Variants in SNX8 observed in about 807,000 individuals in gnomAD.
SNX8 encodes the protein sorting nexin-8.
SNX8 carries 25 observed loss-of-function variants against 51.6 expected under a neutral mutation model. The ratio of observed to expected loss-of-function variants is 0.48; its 90% CI spans 0.35 to 0.68. The LOEUF (loss-of-function observed/expected upper bound fraction) is 0.68. Ranked by LOEUF, SNX8 falls within the 30% of genes least tolerant of loss-of-function variation. The pLI is 0.00. For synonymous variants in SNX8, 324 were observed against 277.0 expected (o/e 1.17, Z -1.68); for missense variants, 695 against 624.0 (o/e 1.11, Z -1.21).
rs188138180 is a variant in SNX8 at position 2,353,674 on chromosome 7, C to T, written c.-66+548G>A. On this transcript the variant is annotated intron_variant, in intron 1 of 5. Transcript: ENST00000435336. ...TCACCACCGTCATCTCCAAAACGTTCTCATCCTCCCAAATTGAAGGTCCGT... is the reference window on the plus strand; with the variant it reads ...TCACCACCGTCATCTCCAAAACGTTTTCATCCTCCCAAATTGAAGGTCCGT... Among the ~76,000 whole-genome samples the T allele has an allele frequency of 3.5e-3, 540 of 152,248 alleles. 2 individuals carry two copies. The highest frequency in any genetic ancestry group is 5.5e-3 in the Non-Finnish European group (377 of 68,016).
chr7:2,290,722 A>G (rs1207789414), intron 1 of SNX8, among the ~76,000 whole-genome samples: 1 of 152,200 alleles, frequency 6.6e-6, no homozygotes, highest in Non-Finnish European at 1.5e-5. Context: ...TCAGTCAGCC[A>G]CAGCACCAAG....
rs1312634890 is a variant in SNX8, at chr7:2,327,722, TA to T, written c.-66+26499del. On this transcript the variant is annotated intron_variant, in intron 1 of 5. Coordinates refer to the SNX8 transcript ENST00000435336. ...GCACCCGGCCTAATTTTTTGTATTT[TA>T]AGTAGAGACGGGGTTTCACCGTGTT... is the stretch of plus-strand genomic sequence containing the variant. 8.7e-4 allele frequency among the ~76,000 whole-genome samples: 131 copies of T among 151,282 alleles called. 3 individuals are homozygous for T. Among genetic ancestry groups the T allele is most frequent in the Admixed American group, 5.1e-3 (77 of 15,172 alleles).
intron 1 of SNX8, among the ~76,000 whole-genome samples, chr7:2,352,668 T>TA (rs901604401): frequency 4.6e-5 from 7 of 151,408 alleles, no homozygotes; most frequent in African/African-American, 1.7e-4. Flanking sequence ...TCGTCTCTAC[T>TA]AAAAAAATAC....
chr7:2,259,498 G>A (rs1562421531), intron 7 of SNX8, among the ~76,000 whole-genome samples: 1 of 152,186 alleles, frequency 6.6e-6, no homozygotes, highest in Non-Finnish European at 1.5e-5. Flanking sequence ...GAGTTTTACG[G>A]GACACAGCCC....
intron 1 of SNX8, among the ~76,000 whole-genome samples, chr7:2,340,540 T>C (rs578239427): frequency 4.6e-5 from 7 of 152,018 alleles, no homozygotes; most frequent in African/African-American, 1.7e-4. Context: ...TTAGGACTAC[T>C]GCATGCATAC....
intron 1 of SNX8, among the ~76,000 whole-genome samples, chr7:2,329,319 A>G (rs1488175255): frequency 6.6e-6 from 1 of 151,814 alleles, no homozygotes; most frequent in Non-Finnish European, 1.5e-5. Context: ...AATAAAAATA[A>G]AATTTAAAAA....
chr7:2,352,120 C>G (rs1185473585), intron 1 of SNX8, among the ~76,000 whole-genome samples: 1 of 151,908 alleles, frequency 6.6e-6, no homozygotes, highest in Non-Finnish European at 1.5e-5. Context: ...GTTGTTCAGG[C>G]TGGTCTCGAA....
chr7:2,304,383 A>C (rs1796497773), intron 1 of SNX8, among the ~76,000 whole-genome samples: 1 of 149,966 alleles, frequency 6.7e-6, no homozygotes, highest in African/African-American at 2.5e-5. Flanking sequence ...TCTCCACTAA[A>C]AATACAAAAA....
chr7:2,318,426 A>G (rs1366568689), upstream of SNX8, among the ~76,000 whole-genome samples: 3 of 151,582 alleles, frequency 2.0e-5, no homozygotes, highest in Admixed American at 2.0e-4. Context: ...CGGGAGGCTG[A>G]GGCAGGAGAA....
chr7:2,349,224 T>TA (rs1024633335), intron 1 of SNX8, among the ~76,000 whole-genome samples: 6 of 148,202 alleles, frequency 4.0e-5, no homozygotes, highest in East Asian at 4.0e-4. Flanking sequence ...AAAAAAAAAG[T>TA]AAAAAAAATG....
chr7:2,276,643 A>T (rs966202625), intron 2 of SNX8, among the ~76,000 whole-genome samples: 1 of 62,248 alleles, frequency 1.6e-5, no homozygotes, highest in South Asian at 5.4e-4. Flanking sequence ...TTTGTACTTT[A>T]AAAAAAAAAA....
At chr7:2,306,181 G>A (rs1251168876) in intron 1 of SNX8, among the ~76,000 whole-genome samples, 5 of 151,936 alleles carry the variant, frequency 3.3e-5, no homozygotes, top group African/African-American at 7.3e-5. Context: ...TTGTTCTGTC[G>A]CCCAGGCTGG....
intron 1 of SNX8, among the ~76,000 whole-genome samples, chr7:2,351,381 A>G (rs188887719): frequency 1.2e-4 from 18 of 152,266 alleles, no homozygotes; most frequent in African/African-American, 4.3e-4. Context: ...GTGAGACCCC[A>G]TCTCTACAGA....
At chr7:2,326,289 A>G (rs1377523031) in intron 1 of SNX8, among the ~76,000 whole-genome samples, 3 of 151,328 alleles carry the variant, frequency 2.0e-5, no homozygotes, top group Non-Finnish European at 2.9e-5. Flanking sequence ...CGCTCGAACC[A>G]GGGAGGCGGA....
intron 1 of SNX8, among the ~76,000 whole-genome samples, chr7:2,292,199 G>A (rs1465783723): frequency 1.3e-5 from 2 of 151,924 alleles, no homozygotes; most frequent in Non-Finnish European, 2.9e-5. Context: ...GGAGGCAGAG[G>A]TTGCAGTGAG....
At chr7:2,267,305 T>C (rs1183046915) in intron 5 of SNX8, among the ~76,000 whole-genome samples, 12 of 121,906 alleles carry the variant, frequency 9.8e-5, no homozygotes, top group African/African-American at 1.6e-4. Flanking sequence ...CTTGGCCCTC[T>C]CCCTCCCCCT....
intron 1 of SNX8, among the ~76,000 whole-genome samples, chr7:2,310,544 G>C (rs1455259417): frequency 2.0e-5 from 3 of 152,132 alleles, no homozygotes; most frequent in Non-Finnish European, 4.4e-5. Context: ...GAGGCAGGCA[G>C]ATCATGAGGT....
chr7:2,275,662 A>AC (rs1187019056), intron 2 of SNX8, among the ~76,000 whole-genome samples: 4 of 151,284 alleles, frequency 2.6e-5, no homozygotes. Flanking sequence ...AGATCGTGCC[A>AC]CTGCACTCTA....
At chr7:2,339,702 G>A (rs1454738235) in intron 1 of SNX8, among the ~76,000 whole-genome samples, 1 of 151,900 alleles carries the variant, frequency 6.6e-6, no homozygotes, top group Non-Finnish European at 1.5e-5. Flanking sequence ...ATTAGCCAAA[G>A]CAATTTTGAA....
Sources: allele counts gnomAD v4.1 joint callset (sites outside exome capture counted in the v4.1 genomes callset), GRCh38; gene constraint gnomAD v4.1.1; transcripts MANE v1.5; gene names NCBI Gene and HGNC (gene_info 2026-07-23, HGNC 2026-07-21).